MYRF: variants seen among roughly 807,000 people sequenced by gnomAD.
The protein encoded by MYRF is myelin gene regulatory factor.
A neutral mutation model predicts 126.3 loss-of-function variants in MYRF; 16 were observed. That is an observed-to-expected ratio of 0.13 (90% confidence interval 0.09 to 0.19). The LOEUF is 0.19. Ranked by LOEUF, MYRF falls within the 10% of genes least tolerant of loss-of-function variation. The pLI is 1.00. For missense variants in MYRF, 1,104 were observed against 1,547.0 expected, an observed-to-expected ratio of 0.71 and a Z score of 4.80; for synonymous variants, 608 against 635.3, an observed-to-expected ratio of 0.96 and a Z score of 0.65.
At chr11:61,771,989 C>T (rs1214472866) in intron 7 of MYRF, 37 bp downstream of exon 7, 1 of 1,610,674 alleles carries the variant, frequency 6.2e-7, no homozygotes, top group Non-Finnish European at 8.5e-7. Flanking sequence ...CCTCCAGGCC[C>T]CCCCACCTTG....
intron 21 of MYRF, 121 bp from the exon 22 acceptor site, chr11:61,781,452 A>T: frequency 2.6e-6 from 4 of 1,537,866 alleles, no homozygotes; most frequent in Non-Finnish European, 3.5e-6. Flanking sequence ...ATGACTGGGA[A>T]GTTCCCCTGA....
chr11:61,761,838 G>A (rs1365468412), intron 1 of MYRF, among the ~76,000 whole-genome samples: 1 of 152,284 alleles, frequency 6.6e-6, no homozygotes, highest in Non-Finnish European at 1.5e-5. Context: ...TTGTAGGTTG[G>A]GATGAGAATT....
At chr11:61,780,026 A>G (rs574606459) in intron 17 of MYRF, 96 bp downstream of exon 17, 2 of 1,288,130 alleles carry the variant, frequency 1.6e-6, no homozygotes, top group Admixed American at 3.9e-5. Flanking sequence ...GGGGAAGAGG[A>G]GGATGTAGCT....
chr11:61,784,441 C>T (rs1464017867), intron 25 of MYRF, 56 bp downstream of exon 25: 3 of 1,445,278 alleles, frequency 2.1e-6, no homozygotes, highest in African/African-American at 1.4e-5. Flanking sequence ...TCTCTCCTGG[C>T]ACAACTGGGC....
intron 5 of MYRF, among the ~76,000 whole-genome samples, chr11:61,771,198 C>T (rs891408438): frequency 7.9e-5 from 12 of 152,200 alleles, no homozygotes; most frequent in African/African-American, 2.2e-4. Flanking sequence ...CTCATTCATT[C>T]CTCAAGCGAT....
chr11:61,778,897 C>A lies in MYRF; in HGVS notation c.2014-366C>A. 2 of 563,582 alleles carry A rather than the reference C, an allele frequency of 3.5e-6. No homozygotes were observed. Among genetic ancestry groups the A allele is most frequent in the Non-Finnish European group, 6.7e-6 (2 of 296,472 alleles). 34.9% of individuals were successfully genotyped at this position (563,582 alleles called of 1,614,324 possible). A position where few individuals can be genotyped will look rare whatever the true frequency, so the allele number is the denominator to read the frequency against. ...CAAGGAGGCATGTAATAGGTCTCCA[C>A]CCCAGCTGAATAGTGAAGTGCTGAC... On this transcript the variant is annotated intron_variant, in intron 14 of 26. Transcript: ENST00000278836. The surrounding 1 kb of genome is among the most constrained non-coding windows in gnomAD (Gnocchi z 4.6).
Position 61,770,345 on chromosome 11 carries a change from G to C in MYRF, c.560G>C (p.Gly187Ala). 1 of 1,504,828 alleles carries C rather than the reference G, an allele frequency of 6.6e-7. No individual in the cohort carries two copies. Among genetic ancestry groups the C allele is most frequent in the Non-Finnish European group, 9.0e-7 (1 of 1,109,488 alleles). 93.2% of individuals were successfully genotyped at this position (1,504,828 alleles called of 1,614,324 possible). Reference protein sequence around the residue: ...HPPPPPAHLPGPPPPPPPPPH... With the variant: ...HPPPPPAHLPAPPPPPPPPPH... ...CCCCCACCTCCAGCCCACTTGCCAGGCCCCCCGCCACCCCCACCACCCCCA... is the reference window on the plus strand; with the variant it reads ...CCCCCACCTCCAGCCCACTTGCCAGCCCCCCCGCCACCCCCACCACCCCCA... Residue 187 changes from glycine (G) to alanine (A), a missense_variant, in exon 5 of 27, where the codon GGC (glycine) becomes GCC (alanine). Gly to Ala is a moderately conservative substitution (Grantham distance 60). Coordinates refer to ENST00000278836, the MANE Select transcript of MYRF (RefSeq NM_001127392.3).
intron 1 of MYRF, among the ~76,000 whole-genome samples, chr11:61,764,236 C>A (rs1167637598): frequency 6.6e-6 from 1 of 152,180 alleles, no homozygotes. Flanking sequence ...TCTTGAAATG[C>A]CGGCTGAGGC....
chr11:61,767,931 A>C (rs2066110234), intron 3 of MYRF, among the ~76,000 whole-genome samples: 1 of 151,450 alleles, frequency 6.6e-6, no homozygotes, highest in South Asian at 2.1e-4. Context: ...CGGCCTGGGC[A>C]ATATGGTGAA....
rs559028149 is a variant in MYRF at position 61,781,035 on chromosome 11, T to C, written c.2562T>C (p.Ser854=). 2.5e-6 allele frequency: 4 copies of C among 1,609,990 alleles called. No individual in the cohort carries two copies. In the South Asian group the frequency reaches 3.3e-5, roughly 13 times the overall value. Residue 854 remains serine, a synonymous_variant, in exon 20 of 27, where the codon TCT becomes TCC. Coordinates refer to ENST00000278836, the MANE Select transcript of MYRF (RefSeq NM_001127392.3). ...LTTGLPGIQP[S]LLLVTTSLTS... ...CGGGGCTACCAGGCATACAGCCCTC[T>C]TTGCTGCTGGGTGCGTGTCTGGGCA...
chr11:61,777,297 G>A lies in MYRF; in HGVS notation c.1624G>A (p.Asp542Asn), dbSNP rs2066410281. The part of the protein sequence containing the change: ...SNPGQFESDS[D>N]VLWQRAQVPD... ...CCCAGGCCAGTTCGAGAGCGACAGC[G>A]ATGTGTTGTGGCAGCGGGCACAGGT... The change falls in exon 12 of 27, where the codon GAT becomes AAT. Residue 542 changes from aspartate to asparagine, a missense_variant. Around this residue, in one of 10 missense-constraint regions of MYRF, gnomAD observed 48 missense variants for 148.2 expected, o/e 0.32. Coordinates refer to ENST00000278836, the MANE Select transcript of MYRF (RefSeq NM_001127392.3). This position sits in a 1 kb window ranked among gnomAD's most constrained non-coding sequence, Gnocchi z 8.8. 1 of 1,613,774 alleles carries A rather than the reference G, an allele frequency of 6.2e-7. No homozygotes were observed. The highest frequency in any genetic ancestry group is 8.5e-7 in the Non-Finnish European group (1 of 1,180,052).
intron 4 of MYRF, 69 bp from the exon 5 acceptor site, chr11:61,770,177 G>A: frequency 1.7e-6 from 1 of 602,000 alleles, no homozygotes; most frequent in South Asian, 2.0e-5. Flanking sequence ...ACTCTGCCTT[G>A]GGGAGGACAG....
In MYRF at chr11:61,783,693, G is replaced by A. The variant is rs548945349; in HGVS notation, c.3119+93G>A. 1.2e-5 allele frequency: 17 copies of A among 1,395,148 alleles called. No individual in the cohort carries two copies. In the Admixed American group the frequency reaches 1.5e-4, roughly 12 times the overall value. The allele number at this position is 1,395,148 out of a possible 1,614,324, so 86.4% of individuals were successfully genotyped here. On this transcript the variant is annotated intron_variant, in intron 23 of 26. Transcript: ENST00000278836. The surrounding 1 kb of genome is among the most constrained non-coding windows in gnomAD (Gnocchi z 4.6). ...ACCCGGAACTTGCCCTTTCAGGGAG[G>A]AGCCTCCCCCATAAGGAAGGGTAGC...
At chr11:61,779,745 C>A in intron 16 of MYRF, 97 bp from the exon 17 acceptor site, 1 of 1,272,362 alleles carries the variant, frequency 7.9e-7, no homozygotes, top group South Asian at 1.4e-5. Flanking sequence ...GGAAATGGGG[C>A]ACCCCCTTAA....
In MYRF at chr11:61,783,783, G is replaced by A; in HGVS notation, c.3120-68G>A. ...GGCTCCAGTACAGATTGGGGGCTGA[G>A]GAGTCCCTGGTGGGGGTGGGGGGTG... is the stretch of plus-strand genomic sequence containing the variant. On this transcript the variant is annotated intron_variant, in intron 23 of 26. Coordinates refer to ENST00000278836, the MANE Select transcript of MYRF (RefSeq NM_001127392.3). The surrounding 1 kb of genome is among the most constrained non-coding windows in gnomAD (Gnocchi z 4.6). The A allele has an allele frequency of 6.7e-7, 1 of 1,496,424 alleles. No homozygotes were observed. Among genetic ancestry groups the A allele is most frequent in the East Asian group, 2.4e-5 (1 of 41,446 alleles). 92.7% of individuals were successfully genotyped at this position (1,496,424 alleles called of 1,614,324 possible).
In MYRF at chr11:61,774,107, C is replaced by T. The variant is rs193921094; in HGVS notation, c.1256C>T (p.Thr419Met). ...CTGGGCGAGCCCAAGTACGTCAAGACGCCCGAGGGCCTCAAGCCCCTCGAC... is the reference window on the plus strand; with the variant it reads ...CTGGGCGAGCCCAAGTACGTCAAGATGCCCGAGGGCCTCAAGCCCCTCGAC... Reference protein sequence around the residue: ...GMLGEPKYVKTPEGLKPLDCF... With the variant: ...GMLGEPKYVKMPEGLKPLDCF... The change falls in exon 8 of 27, where the codon ACG (threonine) becomes ATG (methionine). Residue 419 changes from threonine to methionine, a missense_variant. Around this residue, in one of 10 missense-constraint regions of MYRF, gnomAD observed 36 missense variants for 47.5 expected, o/e 0.76. Coordinates refer to ENST00000278836, the MANE Select transcript of MYRF (RefSeq NM_001127392.3). 2.5e-6 allele frequency: 4 copies of T among 1,613,686 alleles called. No homozygotes were observed. Among genetic ancestry groups the T allele is most frequent in the South Asian group, 1.1e-5 (1 of 91,074 alleles).
At position 61,777,722 on chromosome 11, in the gene MYRF, G is replaced by C; in HGVS notation, c.1792-12G>C. 1 of 1,548,940 alleles carries C rather than the reference G, an allele frequency of 6.5e-7. No homozygotes were observed. Among genetic ancestry groups the C allele is most frequent in the Non-Finnish European group, 8.7e-7 (1 of 1,145,028 alleles). ...GCAGGAGGGGTTCATTCCCGGGCCT[G>C]GCTCCCCGCAGGTGGACACCACCGA... On this transcript the variant is annotated splice_polypyrimidine_tract_variant and intron_variant, in intron 12 of 26. Coordinates refer to ENST00000278836, the MANE Select transcript of MYRF (RefSeq NM_001127392.3). The surrounding 1 kb of genome is among the most constrained non-coding windows in gnomAD (Gnocchi z 8.8).
At chr11:61,758,933 T>A (rs1024267623) in intron 1 of MYRF, among the ~76,000 whole-genome samples, 1 of 152,196 alleles carries the variant, frequency 6.6e-6, no homozygotes, top group African/African-American at 2.4e-5. Flanking sequence ...TGTGGGTATA[T>A]GTGTGGGGCA....
At chr11:61,780,867 C>T in intron 19 of MYRF, 75 bp downstream of exon 19, 1 of 1,580,952 alleles carries the variant, frequency 6.3e-7, no homozygotes, top group East Asian at 2.3e-5. Flanking sequence ...CCCTCTCTGC[C>T]TCTTCCTGCC....
Sources: allele counts gnomAD v4.1 joint callset (sites outside exome capture counted in the v4.1 genomes callset), GRCh38; gene constraint gnomAD v4.1.1; regional missense constraint gnomAD v4.1.1; non-coding constraint Gnocchi (gnomAD v3.1); transcripts MANE v1.5; gene names NCBI Gene and HGNC (gene_info 2026-07-23, HGNC 2026-07-21).